PTPRC: variants seen among roughly 807,000 people sequenced by gnomAD.
The protein encoded by PTPRC is receptor-type tyrosine-protein phosphatase C.
A neutral mutation model predicts 155.9 loss-of-function variants in PTPRC; 44 were observed. The observed-to-expected ratio is 0.28, with a 90% CI of 0.22 to 0.36. PTPRC has a LOEUF of 0.36. Ranked by LOEUF, PTPRC falls within the 10% of genes least tolerant of loss-of-function variation. The pLI is 1.00. For synonymous variants in PTPRC, 525 were observed against 533.1 expected (o/e 0.98, Z 0.21); for missense variants, 1,401 against 1,564.6 (o/e 0.90, Z 1.76).
intron 16 of PTPRC, among the ~76,000 whole-genome samples, chr1:198,728,704 G>A (rs115087323): frequency 0.013 from 2,046 of 152,238 alleles, 24 homozygotes; most frequent in Non-Finnish European, 0.016. Flanking sequence ...TGAAAAGAAT[G>A]TGTGTGGTTT....
intron 25 of PTPRC, among the ~76,000 whole-genome samples, chr1:198,743,067 C>CAAAAAAA (rs10628640): frequency 3.3e-4 from 25 of 75,954 alleles, no homozygotes; most frequent in East Asian, 1.3e-3. Flanking sequence ...GTCAAAATAG[C>CAAAAAAA]AAAAAAAAAA....
chr1:198,680,224 C>T (rs1474256159), intron 2 of PTPRC, among the ~76,000 whole-genome samples: 2 of 152,202 alleles, frequency 1.3e-5, no homozygotes, highest in Non-Finnish European at 2.9e-5. Flanking sequence ...GAGGCCGAGG[C>T]AGGCGGATTA....
At chr1:198,745,519 A>T (rs1558036548) in intron 26 of PTPRC, among the ~76,000 whole-genome samples, 2 of 151,834 alleles carry the variant, frequency 1.3e-5, no homozygotes, top group Non-Finnish European at 2.9e-5. Context: ...TCAATGCTTG[A>T]AGGGTATAAA....
At chr1:198,696,604 C>A in intron 3 of PTPRC, 108 bp from the exon 4 acceptor site, 1 of 896,776 alleles carries the variant, frequency 1.1e-6, no homozygotes, top group Non-Finnish European at 1.9e-6. Flanking sequence ...GATATATGTA[C>A]ATACACACTA....
Position 198,756,196 on chromosome 1 carries a change from G to A in PTPRC, c.*15G>A, listed in dbSNP as rs1655650131. On this transcript the variant is annotated 3_prime_UTR_variant, in exon 33 of 33. Coordinates refer to ENST00000442510, the MANE Select transcript of PTPRC (RefSeq NM_002838.5). ...AAGGTTCATAGGAAAAGACATAAAT[G>A]AGGAAACTCCAAACCTCCTGTTAGC... 2.5e-6 allele frequency: 4 copies of A among 1,612,720 alleles called. No individual in the cohort carries two copies. The highest frequency in any genetic ancestry group is 3.4e-6 in the Non-Finnish European group (4 of 1,179,340).
Position 198,703,170 on chromosome 1 carries a change from T to C in PTPRC, c.584-128T>C, listed in dbSNP as rs16843742. The C allele has an allele frequency of 0.23, 282,148 of 1,249,292 alleles. 32,637 individuals are homozygous for C. The highest frequency in any genetic ancestry group is 0.24 in the Middle Eastern group (1,076 of 4,526). 77.4% of individuals were successfully genotyped at this position (1,249,292 alleles called of 1,614,324 possible). A position where few individuals can be genotyped will look rare whatever the true frequency, so the allele number is the denominator to read the frequency against. The stretch of plus-strand genomic sequence containing the variant: ...CTTTATTATTTTAAAAACAAGCGAA[T>C]GTCAAATCAAACGAGGACTCCTAGA... On this transcript the variant is annotated intron_variant, in intron 6 of 32. Coordinates refer to ENST00000442510, the MANE Select transcript of PTPRC (RefSeq NM_002838.5).
intron 2 of PTPRC, among the ~76,000 whole-genome samples, chr1:198,676,330 C>T (rs3754097): frequency 0.036 from 5,413 of 152,174 alleles, 142 homozygotes; most frequent in East Asian, 0.12. Flanking sequence ...AAATTGAATA[C>T]GAACTTGAAA....
At chr1:198,641,916 A>G (rs1662607256) in intron 2 of PTPRC, among the ~76,000 whole-genome samples, 1 of 152,098 alleles carries the variant, frequency 6.6e-6, no homozygotes, top group South Asian at 2.1e-4. Flanking sequence ...TGTGCCTTGC[A>G]CATCACAGAC....
At chr1:198,687,780 A>G (rs534059026) in intron 2 of PTPRC, among the ~76,000 whole-genome samples, 1 of 152,214 alleles carries the variant, frequency 6.6e-6, no homozygotes, top group East Asian at 1.9e-4. Flanking sequence ...TAAAATTGAT[A>G]TGTTGCTTTA....
chr1:198,666,968 CA>C (rs1408310040), intron 2 of PTPRC: 12 of 152,282 alleles, frequency 7.9e-5, no homozygotes, highest in African/African-American at 2.9e-4. Flanking sequence ...ATGACTAGTA[CA>C]AAGACATAAT....
At position 198,663,751 on chromosome 1, in the gene PTPRC, T is replaced by G. The variant is rs142093917; in HGVS notation, c.73+24410T>G. On this transcript the variant is annotated intron_variant, in intron 2 of 32. Coordinates refer to ENST00000442510, the MANE Select transcript of PTPRC (RefSeq NM_002838.5). ...TTAACCGCTTTGTGCCTCAGTTTCC[T>G]TATCTTTAAATGAAAATAATTTGAG... Among the ~76,000 whole-genome samples, 39 of 152,344 alleles carry G rather than the reference T, an allele frequency of 2.6e-4. 1 individual carries two copies. In the East Asian group the frequency reaches 6.9e-3, roughly 27 times the overall value.
chr1:198,748,779 G>C (rs1655250859), intron 27 of PTPRC, among the ~76,000 whole-genome samples: 2 of 151,646 alleles, frequency 1.3e-5, no homozygotes, highest in Non-Finnish European at 3.0e-5. Flanking sequence ...AAATTAGCAT[G>C]GATAAAATAT....
intron 2 of PTPRC, chr1:198,657,795 T>C (rs1663680265): frequency 1.3e-5 from 2 of 152,206 alleles, no homozygotes; most frequent in South Asian, 4.1e-4. Context: ...GAATTGCTGT[T>C]CATCTTTGAA....
intron 5 of PTPRC, among the ~76,000 whole-genome samples, chr1:198,700,836 G>C (rs1240138825): frequency 6.6e-6 from 1 of 152,156 alleles, no homozygotes; most frequent in Non-Finnish European, 1.5e-5. Flanking sequence ...ACCACTGAGA[G>C]TACCTACATA....
Position 198,696,927 on chromosome 1 carries a change from GTTAAC to G in PTPRC, c.298+23_298+27del, listed in dbSNP as rs1666233646. 1.3e-6 allele frequency: 2 copies of G among 1,594,962 alleles called. No homozygotes were observed. Among genetic ancestry groups the G allele is most frequent in the African/African-American group, 2.7e-5 (2 of 74,500 alleles). On this transcript the variant is annotated intron_variant, in intron 4 of 32. Transcript: ENST00000442510. ...TACCACAGGTTGGCACACAAAAGTT[GTTAAC>G]TTAAATATCAGGGAATGTCATTTAG...
At chr1:198,682,780 C>T (rs1183438414) in intron 2 of PTPRC, among the ~76,000 whole-genome samples, 1 of 152,082 alleles carries the variant, frequency 6.6e-6, no homozygotes, top group Non-Finnish European at 1.5e-5. Context: ...TTCATGCTAC[C>T]ATTTTTGTTA....
At chr1:198,645,780 C>T (rs568005386) in intron 2 of PTPRC, among the ~76,000 whole-genome samples, 13 of 151,816 alleles carry the variant, frequency 8.6e-5, no homozygotes, top group African/African-American at 3.1e-4. Context: ...TTTAACTTTG[C>T]ATTCTTTATT....
At chr1:198,740,047 T>A (rs557512666) in intron 23 of PTPRC, among the ~76,000 whole-genome samples, 3 of 151,542 alleles carry the variant, frequency 2.0e-5, no homozygotes, top group Non-Finnish European at 4.4e-5. Context: ...ACAAACCAAA[T>A]CCTGTGTGAT....
rs540382593 is a variant in PTPRC, at chr1:198,692,602, T to C, written c.100+229T>C. On this transcript the variant is annotated intron_variant, in intron 3 of 32. Transcript: ENST00000442510. ...TTTGTATATATATTTTGTGTATAAA[T>C]AGTAACTTTTCCCAAACTTGACAGT... 8.9e-5 allele frequency: 91 copies of C among 1,019,666 alleles called. No individual in the cohort carries two copies. In the African/African-American group the frequency reaches 1.4e-3, roughly 15 times the overall value. 63.2% of individuals were successfully genotyped at this position (1,019,666 alleles called of 1,614,324 possible).
Sources: allele counts gnomAD v4.1 joint callset (sites outside exome capture counted in the v4.1 genomes callset), GRCh38; gene constraint gnomAD v4.1.1; transcripts MANE v1.5; gene names NCBI Gene and HGNC (gene_info 2026-07-23, HGNC 2026-07-21).